The following UBR4 variants were observed in gnomAD, a reference collection of about 807,000 sequenced individuals.
UBR4 encodes the protein ubiquitin protein ligase E3 component n-recognin 4.
A neutral mutation model predicts 575.6 loss-of-function variants in UBR4; 124 were observed. That is an observed-to-expected ratio of 0.22 (90% CI 0.19 to 0.25). UBR4 has a LOEUF of 0.25. Among genes scored for constraint, UBR4 ranks in the 10% least tolerant of loss-of-function variants. The pLI is 1.00. For missense variants in UBR4, 4,818 were observed against 6,478.8 expected, an observed-to-expected ratio of 0.74 and a Z score of 8.80; for synonymous variants, 2,455 against 2,473.7, an observed-to-expected ratio of 0.99 and a Z score of 0.22.
At position 19,094,034 on chromosome 1, in the gene UBR4, G is replaced by A. The variant is rs775351201; in HGVS notation, c.13852C>T (p.Arg4618Cys). The part of the protein sequence containing the change: ...SNPSVLQGLL[R>C]IIPYLSFGEV... ...CCAAAGGAAAGGTACGGGATGATGCGAAGCAGGCCCTGGAGCACACTGGGG... is the reference window on the plus strand; with the variant it reads ...CCAAAGGAAAGGTACGGGATGATGCAAAGCAGGCCCTGGAGCACACTGGGG... The change falls in exon 95 of 106, where the codon CGC becomes TGC. Residue 4618 changes from arginine to cysteine, a missense_variant. By Grantham distance (180) the Arg-to-Cys change is radical. This residue lies in a region of UBR4 where 165 missense variants were observed against 282.3 expected (regional missense o/e 0.58). Coordinates refer to ENST00000375254, the MANE Select transcript of UBR4 (RefSeq NM_020765.3). 3.1e-6 allele frequency: 5 copies of A among 1,614,090 alleles called. No individual in the cohort carries two copies. Among genetic ancestry groups the A allele is most frequent in the Non-Finnish European group, 4.2e-6 (5 of 1,180,010 alleles).
At chr1:19,190,679 C>T (rs2151414191) in intron 11 of UBR4, among the ~76,000 whole-genome samples, 1 of 152,238 alleles carries the variant, frequency 6.6e-6, no homozygotes, top group Admixed American at 6.5e-5. Flanking sequence ...TCATCTTTTT[C>T]ACACCCAACA....
intron 87 of UBR4, among the ~76,000 whole-genome samples, chr1:19,103,213 T>C (rs1471919875): frequency 6.6e-6 from 1 of 152,162 alleles, no homozygotes; most frequent in Non-Finnish European, 1.5e-5. Flanking sequence ...TGTAAATATC[T>C]CAAATTTTAG....
In UBR4 at chr1:19,177,536, G is replaced by T; in HGVS notation, c.2562C>A (p.Ile854=). The change falls in exon 19 of 106, where the codon ATC becomes ATA. Residue 854 remains isoleucine, a synonymous_variant. Coordinates refer to ENST00000375254, the MANE Select transcript of UBR4 (RefSeq NM_020765.3). ...CAAAGATGAGAAGGAGGCGAGCCAA[G>T]ATAAGCGGCACGAAGCGCATCTGAG... The part of the protein sequence containing the change: ...MDAQMRFVPL[I]LARLLLIFDY... 7 of 1,614,088 alleles carry T rather than the reference G, an allele frequency of 4.3e-6. No individual in the cohort carries two copies. The highest frequency in any genetic ancestry group is 5.9e-6 in the Non-Finnish European group (7 of 1,180,012).
At position 19,198,603 on chromosome 1, in the gene UBR4, G is replaced by C. The variant is rs2092592989; in HGVS notation, c.586C>G (p.Gln196Glu). ...CTAGGGTTAAAAACTGAGGTCAGCT[G>C]GTTCAAAAAATTCATCTGTACCTCC... ...QKEVQMNFLNQLTSVFNPRTV... is the reference protein window; with the variant it reads ...QKEVQMNFLNELTSVFNPRTV... The change falls in exon 5 of 106, where the codon CAG becomes GAG. Residue 196 changes from glutamine to glutamate, a missense_variant. This residue lies in a region of UBR4 where 83 missense variants were observed against 77.3 expected (regional missense o/e 1.07). Transcript: ENST00000375254. 2.5e-6 allele frequency: 4 copies of C among 1,613,996 alleles called. No homozygotes were observed. The highest frequency in any genetic ancestry group is 1.3e-5 in the African/African-American group (1 of 74,886).
intron 2 of UBR4, among the ~76,000 whole-genome samples, chr1:19,201,464 G>C (rs2092737720): frequency 6.6e-6 from 1 of 152,194 alleles, no homozygotes; most frequent in African/African-American, 2.4e-5. Flanking sequence ...ATTAAGAAGG[G>C]AAAGGAGGTG....
chr1:19,137,543 A>G (rs2083333489), intron 60 of UBR4, among the ~76,000 whole-genome samples: 1 of 152,174 alleles, frequency 6.6e-6, no homozygotes, highest in African/African-American at 2.4e-5. Flanking sequence ...ATTTCTAGCC[A>G]TATGCATATA....
chr1:19,154,782 T>C (rs1411404160), intron 44 of UBR4, 136 bp downstream of exon 44: 3 of 1,256,874 alleles, frequency 2.4e-6, no homozygotes, highest in East Asian at 2.4e-5. Flanking sequence ...TAAAGATACC[T>C]AGCAGGGGAG....
At chr1:19,144,189 G>T in intron 54 of UBR4, 98 bp from the exon 55 acceptor site, 2 of 1,068,442 alleles carry the variant, frequency 1.9e-6, no homozygotes, top group Non-Finnish European at 2.8e-6. Context: ...TCACATGCAA[G>T]TGGAATACCT....
Position 19,091,828 on chromosome 1 carries a change from A to T in UBR4, c.14211+991T>A, listed in dbSNP as rs555510951. 2.0e-5 allele frequency among the ~76,000 whole-genome samples: 3 copies of T among 152,328 alleles called. No individual in the cohort carries two copies. The East Asian group carries it at 5.8e-4, about 29-fold the overall frequency. On this transcript the variant is annotated intron_variant, in intron 97 of 105. Coordinates refer to ENST00000375254, the MANE Select transcript of UBR4 (RefSeq NM_020765.3). ...CACTCTTGGGCATTTATCCCAGAAA[A>T]ATGAAAACTTATATTCACACAAAAA...
intron 49 of UBR4, 41 bp downstream of exon 49, chr1:19,150,536 A>T (rs760465666): frequency 5.0e-6 from 8 of 1,597,264 alleles, no homozygotes; most frequent in Admixed American, 1.7e-5. Flanking sequence ...CAGTGAGTGG[A>T]ATATGTAAAA....
At chr1:19,086,887 T>C (rs2077066066) in intron 99 of UBR4, 66 bp from the exon 100 acceptor site, 1 of 1,586,198 alleles carries the variant, frequency 6.3e-7, no homozygotes, top group Non-Finnish European at 8.6e-7. Context: ...AGAAGCAGAA[T>C]AGAGGGGAAC....
chr1:19,134,929 T>C (rs1231454440), intron 60 of UBR4, among the ~76,000 whole-genome samples: 3 of 152,192 alleles, frequency 2.0e-5, no homozygotes, highest in Non-Finnish European at 4.4e-5. Flanking sequence ...AGAAAATGAA[T>C]AGCTGCTGAG....
chr1:19,193,406 T>C, intron 9 of UBR4, 27 bp downstream of exon 9: 1 of 1,610,514 alleles, frequency 6.2e-7, no homozygotes, highest in Non-Finnish European at 8.5e-7. Context: ...CAATCAAGGT[T>C]CCCTTATCCC....
intron 27 of UBR4, among the ~76,000 whole-genome samples, chr1:19,168,940 T>G (rs569723473): frequency 6.9e-6 from 1 of 145,112 alleles, no homozygotes; most frequent in African/African-American, 2.6e-5. Context: ...ATCACGACAC[T>G]GCACTCCATC....
In UBR4 at chr1:19,093,441, G is replaced by A. The variant is rs375431473; in HGVS notation, c.13983C>T (p.Cys4661=). ...TGATGCCAGCAGCTATTTTACAGAA[G>A]CAGTCCAGGAAGACTTTATCATCAC... ...HSGDDKVFLD[C]FCKIAAGIKN... The change falls in exon 96 of 106, where the codon TGC becomes TGT. Residue 4661 remains cysteine, a synonymous_variant. Transcript: ENST00000375254. The surrounding 1 kb of genome is among the most constrained non-coding windows in gnomAD (Gnocchi z 4.8). 16 of 1,614,194 alleles carry A rather than the reference G, an allele frequency of 9.9e-6. No individual in the cohort carries two copies. Among genetic ancestry groups the A allele is most frequent in the Non-Finnish European group, 8.5e-6 (10 of 1,180,032 alleles).
intron 60 of UBR4, among the ~76,000 whole-genome samples, chr1:19,132,279 T>G (rs2082569760): frequency 6.6e-6 from 1 of 151,996 alleles, no homozygotes; most frequent in African/African-American, 2.4e-5. Flanking sequence ...CCTCCCACAT[T>G]CAAGTGATTC....
chr1:19,091,962 G>GA (rs2077554604), intron 97 of UBR4, among the ~76,000 whole-genome samples: 1 of 149,762 alleles, frequency 6.7e-6, no homozygotes, highest in Non-Finnish European at 1.5e-5. Context: ...TGAAACTCCA[G>GA]AAAATCATGC....
intron 102 of UBR4, among the ~76,000 whole-genome samples, chr1:19,083,481 G>C (rs1373530334): frequency 1.3e-5 from 2 of 152,200 alleles, no homozygotes; most frequent in African/African-American, 4.8e-5. Flanking sequence ...AGGAGATGGG[G>C]CCTACAAGCA....
intron 13 of UBR4, among the ~76,000 whole-genome samples, 162 bp downstream of exon 13, chr1:19,187,002 T>C (rs2091592294): frequency 6.6e-6 from 1 of 151,464 alleles, no homozygotes; most frequent in Admixed American, 6.6e-5. Context: ...TTTCACTTCT[T>C]CAACACCAGT....
Sources: allele counts gnomAD v4.1 joint callset (sites outside exome capture counted in the v4.1 genomes callset), GRCh38; gene constraint gnomAD v4.1.1; regional missense constraint gnomAD v4.1.1; non-coding constraint Gnocchi (gnomAD v3.1); transcripts MANE v1.5; gene names NCBI Gene and HGNC (gene_info 2026-07-23, HGNC 2026-07-21).